PDE4D: variants seen among roughly 807,000 people sequenced by gnomAD.
The protein encoded by PDE4D is 3',5'-cyclic-AMP phosphodiesterase 4D.
A neutral mutation model predicts 87.4 loss-of-function variants in PDE4D; 24 were observed. That is an observed-to-expected ratio of 0.27 (90% confidence interval 0.20 to 0.39). The LOEUF (loss-of-function observed/expected upper bound fraction) is 0.39, where lower values mean the gene tolerates loss of function less well. Among genes scored for constraint, PDE4D ranks in the 10% least tolerant of loss-of-function variants. The pLI, the probability that PDE4D is intolerant of heterozygous loss-of-function variation, is 1.00. For synonymous variants in PDE4D, 384 were observed against 383.2 expected, an observed-to-expected ratio of 1.00 and a Z score of -0.02; for missense variants, 714 against 1,041.0, an observed-to-expected ratio of 0.69 and a Z score of 4.32.
intron 1 of PDE4D, among the ~76,000 whole-genome samples, chr5:59,642,165 G>C (rs1741692777): frequency 6.6e-6 from 1 of 152,006 alleles, no homozygotes; most frequent in South Asian, 2.1e-4. Flanking sequence ...TGTTTTTCAG[G>C]TGTAGGAAGA....
intron 1 of PDE4D, among the ~76,000 whole-genome samples, chr5:59,487,519 C>T (rs188498795): frequency 4.9e-4 from 74 of 152,160 alleles, no homozygotes; most frequent in African/African-American, 1.5e-3. Context: ...ATGGGTCAGA[C>T]GATGCTATCA....
chr5:60,384,338 C>T (rs1158414043), intron 1 of PDE4D, among the ~76,000 whole-genome samples: 6 of 152,176 alleles, frequency 3.9e-5, no homozygotes, highest in Admixed American at 3.3e-4. Flanking sequence ...AATCCCTGTC[C>T]TAGGCAATTA....
intron 2 of PDE4D, 134 bp from the exon 3 acceptor site, chr5:59,193,670 C>T: frequency 6.8e-7 from 1 of 1,467,814 alleles, no homozygotes; most frequent in Non-Finnish European, 9.0e-7. Context: ...TATACTTCAG[C>T]ACATGTTCTT....
At chr5:59,787,662 T>G (rs1168179993) in intron 1 of PDE4D, among the ~76,000 whole-genome samples, 1 of 152,210 alleles carries the variant, frequency 6.6e-6, no homozygotes, top group Non-Finnish European at 1.5e-5. Context: ...ATTTTTATGA[T>G]TTATTTTTAA....
At chr5:60,322,787 T>C (rs1322759131) in intron 1 of PDE4D, among the ~76,000 whole-genome samples, 2 of 152,192 alleles carry the variant, frequency 1.3e-5, no homozygotes, top group Non-Finnish European at 2.9e-5. Flanking sequence ...AAGTTTTGTC[T>C]CTCTGTTCTC....
At chr5:60,316,656 C>T (rs566999131) in intron 1 of PDE4D, among the ~76,000 whole-genome samples, 27 of 152,112 alleles carry the variant, frequency 1.8e-4, no homozygotes, top group South Asian at 1.7e-3. Context: ...TTTTGAGATA[C>T]GTCCCATCAA....
intron 2 of PDE4D, among the ~76,000 whole-genome samples, chr5:60,165,325 GAATTT>G (rs1008897610): frequency 6.6e-6 from 1 of 152,096 alleles, no homozygotes; most frequent in African/African-American, 2.4e-5. Flanking sequence ...ACAAATGTGT[GAATTT>G]ATTTCCAGGC....
chr5:59,696,578 T>C (rs1299740651), intron 1 of PDE4D, among the ~76,000 whole-genome samples: 1 of 152,204 alleles, frequency 6.6e-6, no homozygotes, highest in African/African-American at 2.4e-5. Context: ...GAAGGCCTTG[T>C]TGGAAAAGTA....
chr5:60,043,263 A>T (rs1361427474), intron 2 of PDE4D, among the ~76,000 whole-genome samples: 1 of 151,992 alleles, frequency 6.6e-6, no homozygotes, highest in East Asian at 1.9e-4. Context: ...AATGAAAGGG[A>T]AAGAACAAAG....
At chr5:59,260,055 A>T (rs26714) in intron 1 of PDE4D, among the ~76,000 whole-genome samples, 32,225 of 151,584 alleles carry the variant, frequency 0.21, 3,773 homozygotes, top group Non-Finnish European at 0.26. Flanking sequence ...CTATTATCTG[A>T]CTACCTGAAT....
chr5:60,446,110 A>T (rs1745619243), intron 1 of PDE4D, among the ~76,000 whole-genome samples: 1 of 152,154 alleles, frequency 6.6e-6, no homozygotes, highest in Non-Finnish European at 1.5e-5. Flanking sequence ...CATTTTCCCC[A>T]TATCAGATTG....
chr5:60,110,795 T>A (rs532669733), intron 2 of PDE4D, among the ~76,000 whole-genome samples: 1 of 152,220 alleles, frequency 6.6e-6, no homozygotes, highest in South Asian at 2.1e-4. Flanking sequence ...ATGTGGTATA[T>A]ACACACAATG....
At chr5:60,066,805 G>A (rs1432673227) in intron 2 of PDE4D, among the ~76,000 whole-genome samples, 2 of 151,966 alleles carry the variant, frequency 1.3e-5, no homozygotes, top group African/African-American at 4.8e-5. Flanking sequence ...GTTTTCTCCT[G>A]AGACATAGTG....
At chr5:59,841,988 C>T (rs561892976) in intron 1 of PDE4D, among the ~76,000 whole-genome samples, 2 of 152,034 alleles carry the variant, frequency 1.3e-5, no homozygotes, top group South Asian at 4.2e-4. Context: ...AAAAGGGTTT[C>T]CTTTGCCTAG....
intron 1 of PDE4D, among the ~76,000 whole-genome samples, chr5:59,517,823 A>G (rs1012062487): frequency 2.0e-5 from 3 of 152,198 alleles, no homozygotes; most frequent in Non-Finnish European, 4.4e-5. Context: ...AATGGTGTCA[A>G]TGTAATGGTC....
intron 1 of PDE4D, among the ~76,000 whole-genome samples, chr5:60,238,483 C>A (rs912529178): frequency 6.6e-6 from 1 of 151,984 alleles, no homozygotes; most frequent in Non-Finnish European, 1.5e-5. Context: ...TAAGTAAAGT[C>A]AAACTGACTT....
At chr5:59,489,459 A>G (rs1407354036) in intron 1 of PDE4D, among the ~76,000 whole-genome samples, 2 of 152,172 alleles carry the variant, frequency 1.3e-5, no homozygotes, top group African/African-American at 4.8e-5. Context: ...AAGGTGATAA[A>G]TGGAATTACT....
At chr5:59,820,415 C>T (rs149141579) in intron 1 of PDE4D, among the ~76,000 whole-genome samples, 48 of 152,326 alleles carry the variant, frequency 3.2e-4, no homozygotes, top group African/African-American at 1.2e-3. Context: ...TATCATTTTC[C>T]TTACAATTCT....
At chr5:59,677,232 T>G (rs1000717590) in intron 1 of PDE4D, among the ~76,000 whole-genome samples, 9 of 152,204 alleles carry the variant, frequency 5.9e-5, no homozygotes, top group African/African-American at 2.2e-4. Context: ...AGGCAAATGC[T>G]GGGGGGAACA....
Sources: allele counts gnomAD v4.1 joint callset (sites outside exome capture counted in the v4.1 genomes callset), GRCh38; gene constraint gnomAD v4.1.1; transcripts MANE v1.5; gene names NCBI Gene and HGNC (gene_info 2026-07-23, HGNC 2026-07-21).